The following SMAD9 variants were observed in gnomAD, a reference collection of about 807,000 sequenced individuals.
SMAD9 encodes the protein SMAD family member 9, also known as MAD homolog 9.
SMAD9 carries 36 observed loss-of-function variants against 46.1 expected under a neutral mutation model. The ratio of observed to expected loss-of-function variants is 0.78; its 90% CI spans 0.60 to 1.03. The LOEUF (loss-of-function observed/expected upper bound fraction) is 1.03. Among genes scored for constraint, SMAD9 ranks in the 50% least tolerant of loss-of-function variants. The probability of loss-of-function intolerance (pLI) is 0.00; values close to 1 mark genes in which losing one functional copy is unlikely to be tolerated. For missense variants in SMAD9, 572 were observed against 599.8 expected, an observed-to-expected ratio of 0.95 and a Z score of 0.48; for synonymous variants, 245 against 237.1, an observed-to-expected ratio of 1.03 and a Z score of -0.31.
intron 1 of SMAD9, among the ~76,000 whole-genome samples, chr13:36,895,150 G>A (rs12020203): frequency 0.23 from 35,127 of 151,926 alleles, 4,175 homozygotes; most frequent in African/African-American, 0.26. Context: ...ATCTTCCTCA[G>A]TGTTCCCAGG....
intron 1 of SMAD9, among the ~76,000 whole-genome samples, chr13:36,888,003 G>T (rs1177986213): frequency 1.3e-5 from 2 of 152,112 alleles, no homozygotes; most frequent in Non-Finnish European, 2.9e-5. Flanking sequence ...CTCCAACAGG[G>T]GCCCGTCTGC....
chr13:36,879,936 G>T, intron 1 of SMAD9, 61 bp from the exon 2 acceptor site: 3 of 541,108 alleles, frequency 5.5e-6, no homozygotes, highest in Admixed American at 3.1e-5. Context: ...AAAAGTTGAA[G>T]TTGGATAGAA....
Position 36,872,789 on chromosome 13 carries a change from G to C in SMAD9, c.539C>G (p.Ser180Cys). ...LMPHNATYPD[S>C]FQQPPCSALP... is the part of the protein sequence containing the mutation. Reference sequence around the variant, plus strand: ...TGCAGAGCACGGAGGCTGCTGGAAAGAGTCAGGATAGGTGGCGTTGTGTGG... The same window carrying C: ...TGCAGAGCACGGAGGCTGCTGGAAACAGTCAGGATAGGTGGCGTTGTGTGG... The change falls in exon 3 of 7, where the codon TCT (serine) becomes TGT (cysteine). Residue 180 changes from serine (S) to cysteine (C), a missense_variant. Physicochemically the swap from Ser to Cys is moderately radical, Grantham distance 112. Coordinates refer to ENST00000379826, the MANE Select transcript of SMAD9 (RefSeq NM_001127217.3). 1.9e-6 allele frequency: 3 copies of C among 1,614,116 alleles called. No individual in the cohort carries two copies. The highest frequency in any genetic ancestry group is 2.5e-6 in the Non-Finnish European group (3 of 1,180,024).
In SMAD9 at chr13:36,871,051, G is replaced by A. The variant is rs528565148; in HGVS notation, c.670+1607C>T. Among the ~76,000 whole-genome samples, 23 of 152,300 alleles carry A rather than the reference G, an allele frequency of 1.5e-4. No individual in the cohort carries two copies. The South Asian group carries it at 4.1e-3, about 27-fold the overall frequency. On this transcript the variant is annotated intron_variant, in intron 3 of 6. Coordinates refer to ENST00000379826, the MANE Select transcript of SMAD9 (RefSeq NM_001127217.3). ...ATTTTCCATCCAGTATTTTCAGGCT[G>A]CAACTGACCTCTGGTAGCTGAAACC...
At chr13:36,902,592 T>C (rs368189372) in intron 1 of SMAD9, among the ~76,000 whole-genome samples, 17 of 152,134 alleles carry the variant, frequency 1.1e-4, no homozygotes, top group East Asian at 7.7e-4. Context: ...TAGCTGAGAC[T>C]ATAGGTGCCC....
intron 1 of SMAD9, among the ~76,000 whole-genome samples, chr13:36,910,171 T>C (rs1593627964): frequency 6.7e-6 from 1 of 148,518 alleles, no homozygotes; most frequent in African/African-American, 2.5e-5. Context: ...TACTCCGGCG[T>C]GGGGGACACA....
intron 1 of SMAD9, among the ~76,000 whole-genome samples, chr13:36,882,240 TGTG>T (rs2058409797): frequency 6.8e-6 from 1 of 147,200 alleles, no homozygotes; most frequent in Non-Finnish European, 1.5e-5. Flanking sequence ...TGTGTGTGTG[TGTG>T]TGTGTGTGTG....
At chr13:36,904,781 C>T (rs371823029) in intron 1 of SMAD9, among the ~76,000 whole-genome samples, 3 of 152,280 alleles carry the variant, frequency 2.0e-5, no homozygotes, top group African/African-American at 7.2e-5. Context: ...TTAAAGGCAG[C>T]AAGTATTTTA....
intron 2 of SMAD9, among the ~76,000 whole-genome samples, chr13:36,875,701 T>G (rs1413261428): frequency 4.6e-5 from 7 of 152,256 alleles, no homozygotes; most frequent in African/African-American, 1.7e-4. Flanking sequence ...CACTTCTTTA[T>G]GAAGAAGAAT....
intron 5 of SMAD9, among the ~76,000 whole-genome samples, chr13:36,854,168 A>C (rs2058100504): frequency 6.6e-6 from 1 of 152,078 alleles, no homozygotes; most frequent in Admixed American, 6.6e-5. Context: ...CAAAAAAATA[A>C]ATAAATAAAA....
rs1280543408 is a variant in SMAD9 at position 36,900,679 on chromosome 13, A to G, written c.-187+19437T>C. ...AGGACTTACCACTAAAACTATCATT[A>G]TGACTACACACACACACACACACAC... is the stretch of plus-strand genomic sequence containing the variant. On this transcript the variant is annotated intron_variant, in intron 1 of 6. Coordinates refer to ENST00000379826, the MANE Select transcript of SMAD9 (RefSeq NM_001127217.3). Among the ~76,000 whole-genome samples the G allele has an allele frequency of 2.3e-5, 3 of 130,340 alleles. No individual in the cohort carries two copies. The East Asian group carries it at 6.9e-4, about 30-fold the overall frequency. 85.5% of individuals were successfully genotyped at this position (130,340 alleles called of 152,430 possible).
intron 5 of SMAD9, among the ~76,000 whole-genome samples, chr13:36,862,130 C>G (rs628495): frequency 0.053 from 8,048 of 152,178 alleles, 375 homozygotes; most frequent in South Asian, 0.13. Flanking sequence ...CTGGTTCAGG[C>G]TCCACGAACA....
chr13:36,919,463 T>C (rs1448067454), intron 1 of SMAD9, among the ~76,000 whole-genome samples: 1 of 152,142 alleles, frequency 6.6e-6, no homozygotes, highest in East Asian at 1.9e-4. Context: ...CCTAACTTTT[T>C]TTCTCAGTTC....
chr13:36,893,342 G>A (rs1566033761), intron 1 of SMAD9, among the ~76,000 whole-genome samples: 1 of 150,430 alleles, frequency 6.6e-6, no homozygotes, highest in Non-Finnish European at 1.5e-5. Context: ...CTGGATCATA[G>A]TTTTTTTAAA....
intron 3 of SMAD9, 89 bp downstream of exon 3, chr13:36,872,567 TTA>T: frequency 7.0e-7 from 1 of 1,438,690 alleles, no homozygotes; most frequent in Non-Finnish European, 9.8e-7. Flanking sequence ...TGAATGACAG[TTA>T]CAATGACTGT....
intron 2 of SMAD9, 44 bp downstream of exon 2, chr13:36,879,234 C>T: frequency 1.9e-6 from 3 of 1,564,156 alleles, no homozygotes; most frequent in Non-Finnish European, 2.6e-6. Context: ...GGGCACACGA[C>T]CTTCACTCTG....
intron 5 of SMAD9, among the ~76,000 whole-genome samples, chr13:36,855,904 C>T (rs12855930): frequency 0.23 from 35,288 of 152,150 alleles, 5,079 homozygotes; most frequent in Middle Eastern, 0.34. Context: ...TGTCCTGTCA[C>T]TGCCTCTCCT....
rs770040180 is a variant in SMAD9 at position 36,920,187 on chromosome 13, A to AGCG, written c.-261_-259dup. 1,926 of 145,110 alleles carry AGCG rather than the reference A, an allele frequency of 0.013. 28 individuals carry two copies. The highest frequency in any genetic ancestry group is 0.033 in the African/African-American group (1,111 of 33,686). 9.0% of individuals were successfully genotyped at this position (145,110 alleles called of 1,614,324 possible). A position where few individuals can be genotyped will look rare whatever the true frequency, so the allele number is the denominator to read the frequency against. ...CGGGGACCGAGACAGCGGCTGCAGC[A>AGCG]GCGGCGGCGGCGGCGGCGGCGGCGG... On this transcript the variant is annotated 5_prime_UTR_variant, in exon 1 of 7. Transcript: ENST00000379826.
rs568411945 is a variant in SMAD9, at chr13:36,897,698, T to TGAAA, written c.-186-17827_-186-17824dup. Among the ~76,000 whole-genome samples, 59 of 152,264 alleles carry TGAAA rather than the reference T, an allele frequency of 3.9e-4. 1 individual carries two copies. In the South Asian group the frequency reaches 8.5e-3, roughly 22 times the overall value. On this transcript the variant is annotated intron_variant, in intron 1 of 6. Transcript: ENST00000379826. ...TCCTATTTTTTTTGAAAACTGCTAA[T>TGAAA]GAAAACTCTTACTTGATTGGGTAAA...
Sources: gnomAD v4.1 joint callset for allele counts (sites outside exome capture counted in the v4.1 genomes callset) on GRCh38, gnomAD v4.1.1 for gene constraint, MANE v1.5 for transcripts, NCBI Gene and HGNC (gene_info 2026-07-23, HGNC 2026-07-21) for gene names.